DCAF1: variants seen among roughly 807,000 people sequenced by gnomAD.
DCAF1 encodes DDB1 and CUL4 associated factor 1.
Under a neutral mutation model 128.0 loss-of-function variants are expected in DCAF1, and 15 were observed. The observed-to-expected ratio is 0.12, with a 90% CI of 0.08 to 0.18. The LOEUF (loss-of-function observed/expected upper bound fraction) is 0.18, where lower values mean the gene tolerates loss of function less well. Ranked by LOEUF, DCAF1 falls within the 10% of genes least tolerant of loss-of-function variation. DCAF1 has a pLI of 1.00. For missense variants in DCAF1, 988 were observed against 1,649.5 expected (o/e 0.60, Z 6.95); for synonymous variants, 610 against 603.0 (o/e 1.01, Z -0.17).
chr3:51,447,147 C>T (rs1553640448), intron 6 of DCAF1, among the ~76,000 whole-genome samples: 1 of 151,996 alleles, frequency 6.6e-6, no homozygotes, highest in Non-Finnish European at 1.5e-5. Context: ...TGGCTCATGC[C>T]TGTAATCCTA....
At chr3:51,491,040 GAAAAAAAA>G (rs56102341) in intron 2 of DCAF1, among the ~76,000 whole-genome samples, 1 of 128,282 alleles carries the variant, frequency 7.8e-6, no homozygotes, top group Non-Finnish European at 1.7e-5. Context: ...AACAATCTTG[GAAAAAAAA>G]AAAAAAAAAA....
intron 14 of DCAF1, 148 bp from the exon 15 acceptor site, chr3:51,421,145 T>C (rs1325718361): frequency 2.2e-6 from 2 of 897,090 alleles, no homozygotes; most frequent in Non-Finnish European, 3.3e-6. Flanking sequence ...TTGTATAAAG[T>C]GCAGACAGTT....
At chr3:51,477,724 T>C (rs1705655930) in intron 3 of DCAF1, among the ~76,000 whole-genome samples, 1 of 152,292 alleles carries the variant, frequency 6.6e-6, no homozygotes, top group South Asian at 2.1e-4. Flanking sequence ...TTTAATGATG[T>C]ATCTTTCAGA....
intron 9 of DCAF1, among the ~76,000 whole-genome samples, chr3:51,435,583 C>T (rs1700738399): frequency 2.6e-5 from 4 of 152,188 alleles, no homozygotes; most frequent in Middle Eastern, 3.4e-3. Context: ...TGGTGGCACA[C>T]GCCTATAATC....
chr3:51,399,940 T>C (rs2089526482), intron 24 of DCAF1, among the ~76,000 whole-genome samples: 1 of 152,166 alleles, frequency 6.6e-6, no homozygotes, highest in Non-Finnish European at 1.5e-5. Context: ...AATCAACTCT[T>C]GGACAAACAG....
rs1167474829 is a variant in DCAF1 at position 51,451,069 on chromosome 3, C to CTTTTTTTTTTTTTT, written c.376-7180_376-7167dup. Among the ~76,000 whole-genome samples, 15 of 27,108 alleles carry CTTTTTTTTTTTTTT rather than the reference C, an allele frequency of 5.5e-4. 6 individuals carry two copies. The highest frequency in any genetic ancestry group is 9.0e-4 in the African/African-American group (7 of 7,738). The allele number at this position is 27,108 out of a possible 152,430, so 17.8% of individuals were successfully genotyped here. ...CAATGAACAATATAAAAAGGAAATT[C>CTTTTTTTTTTTTTT]TTTTTTTTTTTTTTTTTTTTTTTTT... On this transcript the variant is annotated intron_variant, in intron 6 of 24. Transcript: ENST00000684031.
intron 23 of DCAF1, among the ~76,000 whole-genome samples, chr3:51,406,432 T>C (rs1438078090): frequency 6.6e-6 from 1 of 151,432 alleles, no homozygotes; most frequent in African/African-American, 2.4e-5. Context: ...TCCAGGGATA[T>C]TGTTTTTTTT....
intron 10 of DCAF1, among the ~76,000 whole-genome samples, chr3:51,432,762 T>G (rs1700502904): frequency 6.6e-6 from 1 of 152,186 alleles, no homozygotes; most frequent in Admixed American, 6.5e-5. Flanking sequence ...CCCGGCCTGT[T>G]GTTTTTACAA....
intron 2 of DCAF1, among the ~76,000 whole-genome samples, chr3:51,495,039 T>C (rs188623202): frequency 1.7e-4 from 26 of 151,974 alleles, no homozygotes; most frequent in African/African-American, 5.5e-4. Context: ...AAATAAAAAA[T>C]AGGCCAGGCG....
Position 51,398,608 on chromosome 3 carries a change from C to T in DCAF1, c.*161G>A, listed in dbSNP as rs184262330. ...TGGTTATTGATTCTGGAAGGACCCT[C>T]GGGTGCCAATGAGGCTCTCTAAGCC... On this transcript the variant is annotated 3_prime_UTR_variant, in exon 25 of 25. Coordinates refer to ENST00000684031, the MANE Select transcript of DCAF1 (RefSeq NM_001387579.1). The T allele has an allele frequency of 1.1e-5, 10 of 886,830 alleles. No individual in the cohort carries two copies. The African/African-American group carries it at 1.2e-4, about 10-fold the overall frequency. The allele number at this position is 886,830 out of a possible 1,614,324, so 54.9% of individuals were successfully genotyped here.
In DCAF1 at chr3:51,414,788, T is replaced by C; in HGVS notation, c.3673A>G (p.Arg1225Gly). 1 of 1,614,056 alleles carries C rather than the reference T, an allele frequency of 6.2e-7. No homozygotes were observed. The highest frequency in any genetic ancestry group is 8.5e-7 in the Non-Finnish European group (1 of 1,179,904). Residue 1225 changes from arginine (R) to glycine (G), a missense_variant, in exon 19 of 25, where the codon AGG (arginine) becomes GGG (glycine). By Grantham distance (125) the Arg-to-Gly change is moderately radical. This residue lies in a region of DCAF1 where 61 missense variants were observed against 78.3 expected (regional missense o/e 0.78). Coordinates refer to ENST00000684031, the MANE Select transcript of DCAF1 (RefSeq NM_001387579.1). ...GTAGGATTAAAGGTGGCACAGTTCC[T>C]CTTGTAGTTGTTGGCAAGATCTGGG... is the stretch of plus-strand genomic sequence containing the variant. ...FNPDLANNYK[R>G]NCATFNPTDD... is the part of the protein sequence containing the mutation.
At chr3:51,415,781 G>C in intron 18 of DCAF1, among the ~76,000 whole-genome samples, 1 of 152,022 alleles carries the variant, frequency 6.6e-6, no homozygotes, top group East Asian at 1.9e-4. Context: ...TGTAGAGATG[G>C]GGGGAGTCTC....
intron 24 of DCAF1, 50 bp downstream of exon 24, chr3:51,403,093 G>C (rs782448694): frequency 3.2e-6 from 5 of 1,554,850 alleles, no homozygotes; most frequent in Non-Finnish European, 3.5e-6. Flanking sequence ...CAAAAGAAGG[G>C]ATCTTGCCCT....
At chr3:51,435,667 T>C (rs553194020) in intron 9 of DCAF1, among the ~76,000 whole-genome samples, 49 of 148,988 alleles carry the variant, frequency 3.3e-4, no homozygotes, top group Non-Finnish European at 5.5e-4. Flanking sequence ...GCAGAGATCA[T>C]GCCACTGCAC....
rs781851604 is a variant in DCAF1 at position 51,469,221 on chromosome 3, A to ATTTT, written c.187+1704_187+1707dup. On this transcript the variant is annotated intron_variant, in intron 4 of 24. Transcript: ENST00000684031. ...ATTCACATTCTTTTTCCACACACAA[A>ATTTT]TTTTTTTTTTTTTTTTTTTTTTTTT... Among the ~76,000 whole-genome samples the ATTTT allele has an allele frequency of 2.1e-4, 25 of 116,720 alleles. 2 individuals carry two copies. The highest frequency in any genetic ancestry group is 6.0e-4 in the African/African-American group (17 of 28,276). 76.6% of individuals were successfully genotyped at this position (116,720 alleles called of 152,430 possible). A position where few individuals can be genotyped will look rare whatever the true frequency, so the allele number is the denominator to read the frequency against.
intron 6 of DCAF1, among the ~76,000 whole-genome samples, chr3:51,455,519 C>A (rs952112936): frequency 2.0e-5 from 3 of 152,006 alleles, no homozygotes; most frequent in Non-Finnish European, 4.4e-5. Context: ...GGTGGGAGAA[C>A]AGCTTAAGCC....
At chr3:51,450,430 T>G (rs976626773) in intron 6 of DCAF1, among the ~76,000 whole-genome samples, 1 of 152,074 alleles carries the variant, frequency 6.6e-6, no homozygotes, top group Non-Finnish European at 1.5e-5. Context: ...CTAAATAAAC[T>G]AAATCTCAGG....
chr3:51,423,841 G>T (rs576437033), intron 13 of DCAF1, among the ~76,000 whole-genome samples: 20 of 147,788 alleles, frequency 1.4e-4, no homozygotes, highest in Admixed American at 1.3e-3. Context: ...AAAAAAGAAA[G>T]AAAGAAATAA....
chr3:51,476,618 C>CT (rs1333910488), intron 3 of DCAF1, among the ~76,000 whole-genome samples: 39 of 147,854 alleles, frequency 2.6e-4, no homozygotes, highest in Middle Eastern at 7.5e-3. Flanking sequence ...TGGCTCACGC[C>CT]TGTAATCCCA....
Sources: allele counts gnomAD v4.1 joint callset (sites outside exome capture counted in the v4.1 genomes callset), GRCh38; gene constraint gnomAD v4.1.1; regional missense constraint gnomAD v4.1.1; transcripts MANE v1.5; gene names NCBI Gene and HGNC (gene_info 2026-07-23, HGNC 2026-07-21).